The following FGFR2 variants were observed in gnomAD, a reference collection of about 807,000 sequenced individuals.
The protein encoded by FGFR2 is BEK fibroblast growth factor receptor.
FGFR2 carries 19 observed loss-of-function variants against 95.9 expected under a neutral mutation model. That is an observed-to-expected ratio of 0.20 (90% CI 0.14 to 0.29). The LOEUF (loss-of-function observed/expected upper bound fraction) is 0.29. FGFR2 is among the 10% of genes least tolerant of loss of function. The pLI is 1.00. For synonymous variants in FGFR2, 392 were observed against 393.3 expected (o/e 1.00, Z 0.04); for missense variants, 707 against 1,056.9 (o/e 0.67, Z 4.59).
At chr10:121,568,537 A>G (rs748612143) in intron 2 of FGFR2, among the ~76,000 whole-genome samples, 14 of 151,912 alleles carry the variant, frequency 9.2e-5, no homozygotes, top group Non-Finnish European at 1.9e-4. Flanking sequence ...GGACCCACAC[A>G]CCAATCTGCT....
rs968280759 is a variant in FGFR2 at position 121,531,081 on chromosome 10, C to T, written c.748+7511G>A. On this transcript the variant is annotated intron_variant, in intron 6 of 17. Coordinates refer to ENST00000358487, the MANE Select transcript of FGFR2 (RefSeq NM_000141.5). This position sits in a 1 kb window ranked among gnomAD's most constrained non-coding sequence, Gnocchi z 4.5. ...ATTAGCCCTCTCTCCAGCCACCTCA[C>T]CCAGGCCCCCTGCAAGAATCGAAAG... Among the ~76,000 whole-genome samples the T allele has an allele frequency of 6.6e-6, 1 of 152,202 alleles. No homozygotes were observed. Among genetic ancestry groups the T allele is most frequent in the Non-Finnish European group, 1.5e-5 (1 of 68,046 alleles).
chr10:121,489,648 C>A (rs752168437), intron 13 of FGFR2, among the ~76,000 whole-genome samples: 9 of 152,196 alleles, frequency 5.9e-5, no homozygotes, highest in Non-Finnish European at 1.2e-4. Context: ...ATTCCCTTGA[C>A]GTCTCAAATT....
intron 6 of FGFR2, chr10:121,538,006 A>G (rs1589903878): frequency 4.1e-6 from 1 of 242,952 alleles, no homozygotes; most frequent in Non-Finnish European, 8.0e-6. Context: ...TTATCTGTGC[A>G]CTCTGACAAA....
At chr10:121,538,427 T>C in intron 6 of FGFR2, 165 bp downstream of exon 6, 1 of 1,067,376 alleles carries the variant, frequency 9.4e-7, no homozygotes, top group South Asian at 1.2e-5. Flanking sequence ...AACAGAATAT[T>C]GTCAGATGAC....
chr10:121,491,394 G>A (rs186574364), intron 13 of FGFR2, among the ~76,000 whole-genome samples: 1 of 152,150 alleles, frequency 6.6e-6, no homozygotes, highest in Non-Finnish European at 1.5e-5. Flanking sequence ...AGGGCCCTGG[G>A]ACAGTTTGGT....
In FGFR2 at chr10:121,499,388, A is replaced by T. The variant is rs1043106339; in HGVS notation, c.1562-783T>A. Among the ~76,000 whole-genome samples the T allele has an allele frequency of 2.0e-5, 3 of 152,188 alleles. No individual in the cohort carries two copies. The East Asian group carries it at 5.8e-4, about 29-fold the overall frequency. On this transcript the variant is annotated intron_variant, in intron 11 of 17. Coordinates refer to ENST00000358487, the MANE Select transcript of FGFR2 (RefSeq NM_000141.5). Reference sequence around the variant, plus strand: ...CATGGATAAGAACCATGTTGCAAACAGTTTTTTAGCTTCACAAAAGGAAGA... The same window carrying T: ...CATGGATAAGAACCATGTTGCAAACTGTTTTTTAGCTTCACAAAAGGAAGA...
intron 8 of FGFR2, 88 bp from the exon 9 acceptor site, chr10:121,515,407 A>T: frequency 1.5e-6 from 2 of 1,351,630 alleles, no homozygotes; most frequent in South Asian, 2.4e-5. Flanking sequence ...AACCAAAGGA[A>T]CCAAAAGGCG....
intron 11 of FGFR2, among the ~76,000 whole-genome samples, chr10:121,498,975 T>C (rs989372893): frequency 6.6e-6 from 1 of 151,946 alleles, no homozygotes; most frequent in Admixed American, 6.5e-5. Flanking sequence ...AGACCGAGGG[T>C]AGGGCCATTT....
rs563919571 is a variant in FGFR2, at chr10:121,501,663, T to C, written c.1440-716A>G. On this transcript the variant is annotated intron_variant, in intron 10 of 17. Transcript: ENST00000358487. ...AACGCAAAAGTCTTTGGAATACTTA[T>C]GAATACGGCTCTTTCTAACTTAAGC... is the stretch of plus-strand genomic sequence containing the variant. 2.6e-5 allele frequency among the ~76,000 whole-genome samples: 4 copies of C among 152,308 alleles called. No homozygotes were observed. In the South Asian group the frequency reaches 6.2e-4, roughly 24 times the overall value.
At position 121,593,854 on chromosome 10, in the gene FGFR2, C is replaced by G. The variant is rs757197396; in HGVS notation, c.-37G>C. On this transcript the variant is annotated 5_prime_UTR_variant, in exon 2 of 18. Transcript: ENST00000358487. ...CAATCCCCGGTCCTCTTCCATATCT[C>G]CATGTGGACGTTAATCCCATCTGCA... 1.9e-6 allele frequency: 3 copies of G among 1,553,312 alleles called. No homozygotes were observed. The Admixed American group carries it at 5.0e-5, about 26-fold the overall frequency.
rs975442989 is a variant in FGFR2 at position 121,496,737 on chromosome 10, G to A, written c.1673-15C>T. On this transcript the variant is annotated splice_polypyrimidine_tract_variant and intron_variant, in intron 12 of 17. Transcript: ENST00000358487. ...ATAGAGAGGCCCTGTTGAGGAAGAAGAGAAGCTCCCTAAAGAGAGAATCCA... is the reference window on the plus strand; with the variant it reads ...ATAGAGAGGCCCTGTTGAGGAAGAAAAGAAGCTCCCTAAAGAGAGAATCCA... 1.2e-6 allele frequency: 2 copies of A among 1,610,842 alleles called. No individual in the cohort carries two copies. The highest frequency in any genetic ancestry group is 1.7e-6 in the Non-Finnish European group (2 of 1,179,316).
chr10:121,593,599 T>G (rs868378105), intron 2 of FGFR2, 110 bp downstream of exon 2: 1 of 962,150 alleles, frequency 1.0e-6, no homozygotes. Context: ...TCTGGTGCTC[T>G]TAGAAGCCCC....
chr10:121,532,058 T>G (rs989857766), intron 6 of FGFR2, among the ~76,000 whole-genome samples: 4 of 152,156 alleles, frequency 2.6e-5, no homozygotes, highest in African/African-American at 9.7e-5. Flanking sequence ...ACTCTAGAGC[T>G]GGCATGCAGA....
At chr10:121,565,785 GC>G in intron 2 of FGFR2, 81 bp from the exon 3 acceptor site, 4 of 1,538,652 alleles carry the variant, frequency 2.6e-6, no homozygotes, top group Non-Finnish European at 3.6e-6. Context: ...GTCAGTGGAG[GC>G]CTGCTTATTC....
At chr10:121,506,339 C>T (rs1589789367) in intron 9 of FGFR2, among the ~76,000 whole-genome samples, 1 of 114,758 alleles carries the variant, frequency 8.7e-6, no homozygotes, top group African/African-American at 3.4e-5. Context: ...GCCTGGGCAA[C>T]AGAGCAAGAC....
At chr10:121,588,179 G>A (rs1049394087) in intron 2 of FGFR2, among the ~76,000 whole-genome samples, 13 of 150,916 alleles carry the variant, frequency 8.6e-5, no homozygotes, top group African/African-American at 3.2e-4. Context: ...TTATAAGTGG[G>A]AGCTAAATGA....
At chr10:121,490,914 G>C (rs570704966) in intron 13 of FGFR2, among the ~76,000 whole-genome samples, 1 of 152,314 alleles carries the variant, frequency 6.6e-6, no homozygotes, top group Non-Finnish European at 1.5e-5. Flanking sequence ...CCCTGGCCAG[G>C]TTGGAAGCAG....
At chr10:121,548,092 G>C (rs1328623893) in intron 5 of FGFR2, among the ~76,000 whole-genome samples, 1 of 151,950 alleles carries the variant, frequency 6.6e-6, no homozygotes, top group Non-Finnish European at 1.5e-5. Context: ...AAAAGCCCTT[G>C]ATCAACCTAG....
chr10:121,491,777 G>A (rs971689888), intron 13 of FGFR2, among the ~76,000 whole-genome samples: 2 of 151,878 alleles, frequency 1.3e-5, no homozygotes, highest in Non-Finnish European at 2.9e-5. Flanking sequence ...GGCTGAGGCA[G>A]GAGAATCGCT....
Sources: allele counts gnomAD v4.1 joint callset (sites outside exome capture counted in the v4.1 genomes callset), GRCh38; gene constraint gnomAD v4.1.1; non-coding constraint Gnocchi (gnomAD v3.1); transcripts MANE v1.5; gene names NCBI Gene and HGNC (gene_info 2026-07-23, HGNC 2026-07-21).